PMS2: variants seen among roughly 807,000 people sequenced by gnomAD.
The protein encoded by PMS2 is mismatch repair endonuclease PMS2.
A neutral mutation model predicts 90.0 loss-of-function variants in PMS2; 69 were observed. That is an observed-to-expected ratio of 0.77 (90% confidence interval 0.63 to 0.94). PMS2 has a LOEUF of 0.94. Among genes scored for constraint, PMS2 ranks in the 40% least tolerant of loss-of-function variants. The pLI is 0.00. For synonymous variants in PMS2, 332 were observed against 375.1 expected (o/e 0.89, Z 1.33); for missense variants, 966 against 1,040.2 (o/e 0.93, Z 0.98).
At position 5,987,193 on chromosome 7, in the gene PMS2, T is replaced by C. The variant is rs1488622375; in HGVS notation, c.1572A>G (p.Pro524=). 3.1e-6 allele frequency: 5 copies of C among 1,613,982 alleles called. No homozygotes were observed. The highest frequency in any genetic ancestry group is 4.2e-6 in the Non-Finnish European group (5 of 1,179,936). The change falls in exon 11 of 15, where the codon CCA becomes CCG. Residue 524 remains proline (P), a synonymous_variant. Transcript: ENST00000265849. The part of the protein sequence containing the change: ...HCSSEYAASS[P]GDRGSQEHVD... ...CATGTTCCTGCGAGCCCCTGTCCCC[T>C]GGGGAGCTGGCCGCATACTCGCTGC...
chr7:5,985,218 C>A (rs1314278119), intron 11 of PMS2, among the ~76,000 whole-genome samples: 1 of 151,950 alleles, frequency 6.6e-6, no homozygotes, highest in Non-Finnish European at 1.5e-5. Flanking sequence ...CTGCCTCAGC[C>A]CCCTGAGTAC....
At chr7:5,999,851 C>G (rs1229239296) in intron 5 of PMS2, among the ~76,000 whole-genome samples, 1 of 152,064 alleles carries the variant, frequency 6.6e-6, no homozygotes, top group East Asian at 1.9e-4. Flanking sequence ...TATAATCTCT[C>G]CTTTTGAAAT....
At chr7:5,994,003 G>A (rs1784078383) in intron 8 of PMS2, among the ~76,000 whole-genome samples, 2 of 150,494 alleles carry the variant, frequency 1.3e-5, no homozygotes, top group East Asian at 4.0e-4. Flanking sequence ...CTGGTAATAT[G>A]TGTTTATATA....
At chr7:5,983,267 T>A (rs1216222335) in intron 11 of PMS2, among the ~76,000 whole-genome samples, 1 of 151,062 alleles carries the variant, frequency 6.6e-6, no homozygotes, top group Non-Finnish European at 1.5e-5. Flanking sequence ...TGCGCCACCA[T>A]GCCCAGCTAA....
chr7:5,994,759 A>G (rs1282356774), intron 8 of PMS2, among the ~76,000 whole-genome samples: 1 of 151,768 alleles, frequency 6.6e-6, no homozygotes, highest in Non-Finnish European at 1.5e-5. Context: ...CTGGGTGACA[A>G]ACAAGACTCC....
chr7:5,998,311 A>T, intron 6 of PMS2, among the ~76,000 whole-genome samples: 1 of 149,368 alleles, frequency 6.7e-6, no homozygotes, highest in South Asian at 2.1e-4. Context: ...CAAACTCCTG[A>T]CCTCGTGATC....
intron 11 of PMS2, among the ~76,000 whole-genome samples, chr7:5,983,738 G>A (rs1215981305): frequency 1.3e-5 from 2 of 150,766 alleles, no homozygotes; most frequent in Non-Finnish European, 2.9e-5. Flanking sequence ...TGCAACCTGC[G>A]CCTCCCAGGT....
At chr7:6,006,702 A>G (rs1298447929) in intron 1 of PMS2, among the ~76,000 whole-genome samples, 3 of 152,140 alleles carry the variant, frequency 2.0e-5, no homozygotes, top group Non-Finnish European at 4.4e-5. Context: ...GTATGCTGGG[A>G]AATACACAAT....
At position 5,997,374 on chromosome 7, in the gene PMS2, C is replaced by A; in HGVS notation, c.755G>T (p.Cys252Phe). 1 of 1,606,214 alleles carries A rather than the reference C, an allele frequency of 6.2e-7. No homozygotes were observed. The highest frequency in any genetic ancestry group is 2.2e-5 in the East Asian group (1 of 44,772). ...FVQLPPSDSV[C>F]EEYGLSCSDA... is the part of the protein sequence containing the mutation. ...GGAACAGCTCAAACCGTACTCTTCA[C>A]ACACGGAGTCACTAGGGGGCAGCTG... is the stretch of plus-strand genomic sequence containing the variant. Residue 252 changes from cysteine (C) to phenylalanine (F), a missense_variant, in exon 7 of 15, where the codon TGT (cysteine) becomes TTT (phenylalanine). Transcript: ENST00000265849.
intron 2 of PMS2, 59 bp downstream of exon 2, chr7:6,005,833 C>T (rs2128842613): frequency 6.2e-7 from 1 of 1,607,812 alleles, no homozygotes; most frequent in Non-Finnish European, 8.5e-7. Context: ...ACAAATGTTT[C>T]TTAACTACAA....
At chr7:5,984,295 T>C (rs1213280892) in intron 11 of PMS2, among the ~76,000 whole-genome samples, 1 of 151,810 alleles carries the variant, frequency 6.6e-6, no homozygotes, top group Non-Finnish European at 1.5e-5. Flanking sequence ...CTTCAACATC[T>C]AATGTCATTA....
intron 11 of PMS2, among the ~76,000 whole-genome samples, chr7:5,983,807 A>G (rs1782568522): frequency 6.6e-6 from 1 of 151,542 alleles, no homozygotes; most frequent in Non-Finnish European, 1.5e-5. Flanking sequence ...ATGCACCGCC[A>G]AGCCCGGCTA....
intron 1 of PMS2, 128 bp downstream of exon 1, chr7:6,008,869 G>C (rs1188717267): frequency 8.6e-7 from 1 of 1,164,052 alleles, no homozygotes; most frequent in Non-Finnish European, 1.3e-6. Flanking sequence ...GCCACTCCGG[G>C]GCCTCCAGGG....
Position 6,003,769 on chromosome 7 carries a change from T to C in PMS2, c.274A>G (p.Ile92Val), listed in dbSNP as rs1333262869. The C allele has an allele frequency of 3.1e-6, 5 of 1,605,176 alleles. No individual in the cohort carries two copies. Among genetic ancestry groups the C allele is most frequent in the Non-Finnish European group, 4.2e-6 (5 of 1,178,354 alleles). Residue 92 changes from isoleucine to valine, a missense_variant, in exon 4 of 15, where the codon ATT becomes GTT. By Grantham distance (29) the Ile-to-Val change is conservative. Around this residue, in one of 2 missense-constraint regions of PMS2, gnomAD observed 871 missense variants for 802.4 expected, o/e 1.09. Coordinates refer to ENST00000265849, the MANE Select transcript of PMS2 (RefSeq NM_000535.7). ...GLTLKHHTSK[I>V]QEFADLTQVE... ...TGAGTTAGGTCGGCAAACTCTTGAA[T>C]CTTAGATGTGTGATGTTTCAGAGCT...
At position 5,987,093 on chromosome 7, in the gene PMS2, T is replaced by G. The variant is rs781106967; in HGVS notation, c.1672A>C (p.Thr558Pro). 6.2e-7 allele frequency: 1 copy of G among 1,614,118 alleles called. No homozygotes were observed. Among genetic ancestry groups the G allele is most frequent in the Non-Finnish European group, 8.5e-7 (1 of 1,180,008 alleles). ...DVDCHSNQED[T>P]GCKFRVLPQP... ...GGCAAAACTCGAAATTTACATCCGG[T>G]ATCTTCCTGGTTTGAATGGCAGTCC... The change falls in exon 11 of 15, where the codon ACC becomes CCC. Residue 558 changes from threonine (T) to proline (P), a missense_variant. Thr to Pro is a conservative substitution (Grantham distance 38, BLOSUM62 -1). Around this residue, in one of 2 missense-constraint regions of PMS2, gnomAD observed 871 missense variants for 802.4 expected, o/e 1.09. Coordinates refer to ENST00000265849, the MANE Select transcript of PMS2 (RefSeq NM_000535.7).
At chr7:5,997,255 C>T (rs1784509862) in intron 7 of PMS2, 71 bp downstream of exon 7, 1 of 772,060 alleles carries the variant, frequency 1.3e-6, no homozygotes, top group Non-Finnish European at 2.3e-6. Context: ...GCCTTAGAAT[C>T]ACTATCTTTA....
At chr7:5,991,793 C>G (rs1292253335) in intron 9 of PMS2, among the ~76,000 whole-genome samples, 180 bp downstream of exon 9, 1 of 151,934 alleles carries the variant, frequency 6.6e-6, no homozygotes, top group East Asian at 1.9e-4. Context: ...GAGCCGAGAT[C>G]ACGCCACCAC....
At position 5,977,086 on chromosome 7, in the gene PMS2, G is replaced by A. The variant is rs1429651581; in HGVS notation, c.2445+502C>T. Among the ~76,000 whole-genome samples, 1,426 of 148,332 alleles carry A rather than the reference G, an allele frequency of 9.6e-3. 2 individuals carry two copies. Among genetic ancestry groups the A allele is most frequent in the African/African-American group, 0.034 (1,330 of 39,602 alleles). The stretch of plus-strand genomic sequence containing the variant: ...TTTTGTTTTTTTGAGACGGAGTCTC[G>A]CTCTGTCGCCCAGGTTGGAGTGCAG... On this transcript the variant is annotated intron_variant, in intron 14 of 14. Transcript: ENST00000265849.
chr7:5,994,183 C>T (rs1409048949), intron 8 of PMS2, among the ~76,000 whole-genome samples: 1 of 151,608 alleles, frequency 6.6e-6, no homozygotes, highest in Non-Finnish European at 1.5e-5. Context: ...GATTTCAAGA[C>T]CATCCTGGCC....
Sources: gnomAD v4.1 joint callset for allele counts (sites outside exome capture counted in the v4.1 genomes callset) on GRCh38, gnomAD v4.1.1 for gene constraint, gnomAD v4.1.1 regional missense constraint, MANE v1.5 for transcripts, NCBI Gene and HGNC (gene_info 2026-07-23, HGNC 2026-07-21) for gene names.